Variants in PXDNL observed in about 807,000 individuals in gnomAD.
PXDNL encodes peroxidasin like, also known as probable oxidoreductase PXDNL.
In PXDNL, 145 loss-of-function variants were observed where a neutral mutation model predicts 150.8. That is an observed-to-expected ratio of 0.96 (90% CI 0.84 to 1.10). The LOEUF (loss-of-function observed/expected upper bound fraction) is 1.10. Among genes scored for constraint, PXDNL ranks in the 50% least tolerant of loss-of-function variants. The probability of loss-of-function intolerance (pLI) is 0.00; values close to 1 mark genes in which losing one functional copy is unlikely to be tolerated. For missense variants in PXDNL, 2,087 were observed against 1,873.9 expected, an observed-to-expected ratio of 1.11 and a Z score of -2.10; for synonymous variants, 757 against 725.7, an observed-to-expected ratio of 1.04 and a Z score of -0.69.
chr8:51,381,564 A>C (rs974422468), intron 17 of PXDNL, among the ~76,000 whole-genome samples: 1 of 152,140 alleles, frequency 6.6e-6, no homozygotes, highest in African/African-American at 2.4e-5. Context: ...ATCTTTGCTG[A>C]TGTGATCAAG....
intron 3 of PXDNL, among the ~76,000 whole-genome samples, chr8:51,583,648 T>G (rs527432018): frequency 9.5e-4 from 144 of 152,118 alleles, no homozygotes; most frequent in Non-Finnish European, 1.7e-3. Context: ...AGCCAAATCT[T>G]TTTTGCTCAC....
At chr8:51,624,924 A>G (rs929244001) in intron 2 of PXDNL, among the ~76,000 whole-genome samples, 1 of 152,010 alleles carries the variant, frequency 6.6e-6, no homozygotes, top group Non-Finnish European at 1.5e-5. Flanking sequence ...TACATTTTAC[A>G]TAACGTAATT....
chr8:51,325,280 G>T (rs755618404), intron 21 of PXDNL, among the ~76,000 whole-genome samples: 13 of 152,184 alleles, frequency 8.5e-5, no homozygotes. Context: ...GAATAATTTC[G>T]TATTGAAACC....
intron 20 of PXDNL, among the ~76,000 whole-genome samples, chr8:51,341,629 C>T (rs184536708): frequency 2.6e-5 from 4 of 152,286 alleles, no homozygotes; most frequent in East Asian, 3.9e-4. Flanking sequence ...CGTCCTCCTC[C>T]TAGCCCCTGG....
intron 1 of PXDNL, among the ~76,000 whole-genome samples, chr8:51,667,658 C>A (rs555866034): frequency 6.6e-6 from 1 of 152,254 alleles, no homozygotes; most frequent in East Asian, 1.9e-4. Flanking sequence ...AACTAGATAG[C>A]AACCCAGAGA....
intron 2 of PXDNL, among the ~76,000 whole-genome samples, chr8:51,624,089 T>C (rs1156301433): frequency 9.1e-6 from 1 of 109,720 alleles, no homozygotes; most frequent in Non-Finnish European, 1.8e-5. Context: ...CAAGACCCTG[T>C]CTCAAATTAC....
chr8:51,455,107 C>A (rs1809904761), intron 9 of PXDNL, among the ~76,000 whole-genome samples: 1 of 1,242 alleles, frequency 8.1e-4, no homozygotes, highest in Non-Finnish European at 4.2e-3. Flanking sequence ...CAGAGCGAGA[C>A]TCCGTCTCAA....
At chr8:51,681,210 G>C (rs573546067) in intron 1 of PXDNL, among the ~76,000 whole-genome samples, 1 of 152,014 alleles carries the variant, frequency 6.6e-6, no homozygotes, top group African/African-American at 2.4e-5. Context: ...AGATTTCATA[G>C]GCCAAACACA....
chr8:51,663,418 G>A (rs118005104), intron 1 of PXDNL, among the ~76,000 whole-genome samples: 2 of 152,122 alleles, frequency 1.3e-5, no homozygotes, highest in East Asian at 1.9e-4. Context: ...AGTGTTCCAC[G>A]TTAAATCCCT....
intron 17 of PXDNL, among the ~76,000 whole-genome samples, chr8:51,378,626 A>G (rs549536655): frequency 2.0e-4 from 30 of 152,038 alleles, no homozygotes; most frequent in Non-Finnish European, 3.7e-4. Flanking sequence ...GCTGCTGCTC[A>G]CTCTTTGGGT....
At chr8:51,751,632 G>C (rs1043347461) in intron 1 of PXDNL, among the ~76,000 whole-genome samples, 2 of 152,186 alleles carry the variant, frequency 1.3e-5, no homozygotes, top group Non-Finnish European at 2.9e-5. Context: ...TAAAAACTAA[G>C]TCCTCCAAGC....
intron 17 of PXDNL, among the ~76,000 whole-genome samples, chr8:51,388,308 TTA>T (rs1461294809): frequency 6.6e-6 from 1 of 152,216 alleles, no homozygotes; most frequent in Non-Finnish European, 1.5e-5. Flanking sequence ...TCTGGTTTTT[TTA>T]TGTTTTTGTA....
At chr8:51,377,229 G>A (rs961850152) in intron 17 of PXDNL, among the ~76,000 whole-genome samples, 2 of 150,448 alleles carry the variant, frequency 1.3e-5, no homozygotes, top group African/African-American at 4.9e-5. Flanking sequence ...TGACAACTTA[G>A]TACTTGGTGC....
chr8:51,729,090 C>A (rs1816871515), intron 1 of PXDNL, among the ~76,000 whole-genome samples: 1 of 152,154 alleles, frequency 6.6e-6, no homozygotes. Flanking sequence ...AGGTTTGTAG[C>A]CTGAGAGCAC....
At chr8:51,376,725 CTTT>C (rs11330281) in intron 17 of PXDNL, among the ~76,000 whole-genome samples, 5 of 143,534 alleles carry the variant, frequency 3.5e-5, no homozygotes, top group African/African-American at 1.0e-4. Flanking sequence ...CTCTCTCTCT[CTTT>C]TTTTTTTTTA....
intron 2 of PXDNL, among the ~76,000 whole-genome samples, chr8:51,594,432 A>C (rs1017357703): frequency 1.3e-5 from 2 of 152,216 alleles, no homozygotes; most frequent in Non-Finnish European, 2.9e-5. Flanking sequence ...TTAGAAACGG[A>C]AAAGATATTA....
chr8:51,565,940 G>A (rs1422984225), intron 3 of PXDNL, among the ~76,000 whole-genome samples: 1 of 151,746 alleles, frequency 6.6e-6, no homozygotes, highest in Admixed American at 6.6e-5. Context: ...TTAGCCATAG[G>A]GGTTTTTTTT....
intron 1 of PXDNL, among the ~76,000 whole-genome samples, chr8:51,661,480 GC>G (rs1352224887): frequency 6.6e-6 from 1 of 152,198 alleles, no homozygotes; most frequent in Non-Finnish European, 1.5e-5. Flanking sequence ...ACGTAGTTGG[GC>G]CTCATCCAGT....
chr8:51,547,923 G>A (rs1393887045), intron 4 of PXDNL, among the ~76,000 whole-genome samples: 1 of 151,956 alleles, frequency 6.6e-6, no homozygotes, highest in African/African-American at 2.4e-5. Flanking sequence ...AGGTGAAGAA[G>A]ATATTTTTTA....
Sources: allele counts gnomAD v4.1 joint callset (sites outside exome capture counted in the v4.1 genomes callset), GRCh38; gene constraint gnomAD v4.1.1; transcripts MANE v1.5; gene names NCBI Gene and HGNC (gene_info 2026-07-23, HGNC 2026-07-21).